Variants in IFIH1 observed in about 807,000 individuals in gnomAD.
IFIH1 encodes interferon-induced helicase C domain-containing protein 1.
IFIH1 carries 125 observed loss-of-function variants against 107.4 expected under a neutral mutation model. The ratio of observed to expected loss-of-function variants is 1.16; its 90% confidence interval spans 1.01 to 1.35. The LOEUF is 1.35. IFIH1 is among the 40% of genes most tolerant of loss of function. The pLI is 0.00. For synonymous variants in IFIH1, 458 were observed against 413.2 expected, an observed-to-expected ratio of 1.11 and a Z score of -1.31; for missense variants, 1,333 against 1,213.7, an observed-to-expected ratio of 1.10 and a Z score of -1.46.
intron 11 of IFIH1, 74 bp downstream of exon 11, chr2:162,276,610 AAAG>A (rs1333084739): frequency 1.3e-5 from 20 of 1,490,572 alleles, no homozygotes; most frequent in East Asian, 2.3e-5. Context: ...GTCTGAAAGA[AAAG>A]AAGAAGAGAA....
At chr2:162,272,722 T>C (rs1460568581) in intron 12 of IFIH1, among the ~76,000 whole-genome samples, 1 of 151,942 alleles carries the variant, frequency 6.6e-6, no homozygotes, top group Non-Finnish European at 1.5e-5. Flanking sequence ...GACTGAGGAG[T>C]CGTCTTTCTT....
chr2:162,311,608 T>C (rs373132794), intron 1 of IFIH1, among the ~76,000 whole-genome samples: 1 of 152,178 alleles, frequency 6.6e-6, no homozygotes, highest in South Asian at 2.1e-4. Flanking sequence ...AGCCTTCTTT[T>C]ATTTTCTCTT....
chr2:162,295,528 T>A (rs1354225236), intron 3 of IFIH1, among the ~76,000 whole-genome samples: 1 of 151,954 alleles, frequency 6.6e-6, no homozygotes, highest in Non-Finnish European at 1.5e-5. Flanking sequence ...TTCTTAAAAA[T>A]TAAAAGTAAG....
At chr2:162,292,277 T>C (rs1343292062) in intron 4 of IFIH1, among the ~76,000 whole-genome samples, 1 of 151,870 alleles carries the variant, frequency 6.6e-6, no homozygotes, top group Non-Finnish European at 1.5e-5. Flanking sequence ...AATTGAACAA[T>C]TTTATGACAA....
intron 2 of IFIH1, among the ~76,000 whole-genome samples, chr2:162,309,829 T>C (rs1474956731): frequency 6.6e-6 from 1 of 152,252 alleles, no homozygotes. Flanking sequence ...ATCAAGCTGC[T>C]CCTTCAGCAT....
chr2:162,294,628 T>G (rs1418827360), intron 3 of IFIH1, among the ~76,000 whole-genome samples: 1 of 151,900 alleles, frequency 6.6e-6, no homozygotes, highest in African/African-American at 2.4e-5. Flanking sequence ...TTAAGTAATA[T>G]TAGGTACAAC....
intron 5 of IFIH1, among the ~76,000 whole-genome samples, chr2:162,283,414 C>G (rs1001699728): frequency 6.6e-6 from 1 of 151,762 alleles, no homozygotes; most frequent in African/African-American, 2.4e-5. Flanking sequence ...GTTGACACCT[C>G]AATGCTACAC....
rs1365491021 is a variant in IFIH1, at chr2:162,280,051, T to C, written c.1586A>G (p.Lys529Arg). The change falls in exon 8 of 16, where the codon AAA (lysine) becomes AGA (arginine). Residue 529 changes from lysine (K) to arginine (R), a missense_variant. Physicochemically the swap from Lys to Arg is conservative, Grantham distance 26 (BLOSUM62 2). Coordinates refer to ENST00000649979, the MANE Select transcript of IFIH1 (RefSeq NM_022168.4). The part of the protein sequence containing the change: ...KTVKENLDQL[K>R]NQIQEPCKKF... ...CTTGCATGGCTCCTGTATTTGGTTT[T>C]TCAGTTGATCAAGGTTTTCTTTAAC... 6.2e-7 allele frequency: 1 copy of C among 1,611,788 alleles called. No homozygotes were observed. Among genetic ancestry groups the C allele is most frequent in the Admixed American group, 1.7e-5 (1 of 59,816 alleles).
At chr2:162,275,603 T>C (rs568063187) in intron 11 of IFIH1, among the ~76,000 whole-genome samples, 46 of 152,272 alleles carry the variant, frequency 3.0e-4, no homozygotes, top group South Asian at 6.2e-4. Flanking sequence ...AGTGAACCAT[T>C]TCAAGAATTT....
chr2:162,272,982 GGA>G (rs1322538030), intron 12 of IFIH1, among the ~76,000 whole-genome samples: 1 of 152,072 alleles, frequency 6.6e-6, no homozygotes, highest in African/African-American at 2.4e-5. Flanking sequence ...GTATCCTCAA[GGA>G]AAAATGTATT....
At chr2:162,280,962 T>C (rs1682797319) in intron 7 of IFIH1, among the ~76,000 whole-genome samples, 1 of 152,044 alleles carries the variant, frequency 6.6e-6, no homozygotes, top group South Asian at 2.1e-4. Flanking sequence ...TTGAAACTCA[T>C]GGAGTAAGAC....
Position 162,285,192 on chromosome 2 carries a change from A to T in IFIH1, c.1096-2616T>A, listed in dbSNP as rs1164122521. On this transcript the variant is annotated intron_variant, in intron 5 of 15. Transcript: ENST00000649979. The stretch of plus-strand genomic sequence containing the variant: ...CTTCTGCTGAATCATATGGGGCTGC[A>T]TTGCAGCATCTGAAGGAACCTGGGA... Among the ~76,000 whole-genome samples, 5 of 152,018 alleles carry T rather than the reference A, an allele frequency of 3.3e-5. No homozygotes were observed. In the South Asian group the frequency reaches 1.0e-3, roughly 31 times the overall value.
chr2:162,303,223 C>T (rs996463511), intron 3 of IFIH1, among the ~76,000 whole-genome samples: 3 of 151,916 alleles, frequency 2.0e-5, no homozygotes, highest in Admixed American at 2.0e-4. Context: ...CAAGTGATTC[C>T]CCTGCCTCAG....
intron 8 of IFIH1, among the ~76,000 whole-genome samples, 168 bp from the exon 9 acceptor site, chr2:162,278,496 C>T (rs1305022526): frequency 6.6e-6 from 1 of 152,112 alleles, no homozygotes; most frequent in Non-Finnish European, 1.5e-5. Flanking sequence ...TTGTCAGCTT[C>T]TCTTTTAAGC....
rs116696709 is a variant in IFIH1, at chr2:162,273,505, T to C, written c.2454+290A>G. On this transcript the variant is annotated intron_variant, in intron 12 of 15. Coordinates refer to ENST00000649979, the MANE Select transcript of IFIH1 (RefSeq NM_022168.4). ...CATCCTAGGAAAGAGGAGGCTGCTTTTGACTCTTACAAATGGGGCTAGTGT... is the reference window on the plus strand; with the variant it reads ...CATCCTAGGAAAGAGGAGGCTGCTTCTGACTCTTACAAATGGGGCTAGTGT... Among the ~76,000 whole-genome samples, 285 of 152,258 alleles carry C rather than the reference T, an allele frequency of 1.9e-3. 2 individuals are homozygous for C. The highest frequency in any genetic ancestry group is 6.6e-3 in the African/African-American group (276 of 41,568).
At chr2:162,286,533 T>C (rs1327993875) in intron 5 of IFIH1, among the ~76,000 whole-genome samples, 2 of 151,834 alleles carry the variant, frequency 1.3e-5, no homozygotes, top group South Asian at 2.1e-4. Context: ...ATAAAGGAAG[T>C]AGATGAATTA....
chr2:162,274,700 T>C (rs1354279687), intron 11 of IFIH1, among the ~76,000 whole-genome samples: 4 of 152,182 alleles, frequency 2.6e-5, no homozygotes, highest in Non-Finnish European at 4.4e-5. Context: ...CTCTCATCCT[T>C]ACATGGGAGA....
chr2:162,279,859 A>T, intron 8 of IFIH1, 137 bp downstream of exon 8: 5 of 652,184 alleles, frequency 7.7e-6, no homozygotes, highest in Admixed American at 2.9e-5. Flanking sequence ...CCTAACATCA[A>T]TTAAAAAAAA....
chr2:162,312,254 A>C (rs528461630), intron 1 of IFIH1, among the ~76,000 whole-genome samples: 1 of 152,262 alleles, frequency 6.6e-6, no homozygotes, highest in East Asian at 1.9e-4. Context: ...TGTTACAAAC[A>C]CCTCACCTGC....
Sources: allele counts gnomAD v4.1 joint callset (sites outside exome capture counted in the v4.1 genomes callset), GRCh38; gene constraint gnomAD v4.1.1; transcripts MANE v1.5; gene names NCBI Gene and HGNC (gene_info 2026-07-23, HGNC 2026-07-21).